Variants in NTPCR observed in about 807,000 individuals in gnomAD.
NTPCR encodes cancer-related nucleoside-triphosphatase.
NTPCR carries 15 observed loss-of-function variants against 19.5 expected under a neutral mutation model. The observed-to-expected ratio is 0.77, with a 90% CI of 0.51 to 1.18. The LOEUF is 1.18. Among genes scored for constraint, NTPCR ranks in the 50% most tolerant of loss-of-function variants. The pLI is 0.00. For synonymous variants in NTPCR, 90 were observed against 95.8 expected, an observed-to-expected ratio of 0.94 and a Z score of 0.36; for missense variants, 206 against 240.4, an observed-to-expected ratio of 0.86 and a Z score of 0.95.
chr1:232,968,375 A>G (rs1187283637), intron 3 of NTPCR: 7 of 152,270 alleles, frequency 4.6e-5, no homozygotes, highest in Non-Finnish European at 8.8e-5. Flanking sequence ...TAAAAGTCTG[A>G]AAAACACTGC....
In NTPCR at chr1:232,980,705, G is replaced by A. The variant is rs1248078227; in HGVS notation, c.*2474G>A. 2.0e-5 allele frequency: 3 copies of A among 152,194 alleles called. No individual in the cohort carries two copies. In the East Asian group the frequency reaches 5.8e-4, roughly 29 times the overall value. 9.4% of individuals were successfully genotyped at this position (152,194 alleles called of 1,614,324 possible). A position where few individuals can be genotyped will look rare whatever the true frequency, so the allele number is the denominator to read the frequency against. ...CAAACGCACACAGCCTGTAGCAACAGTGTCATGCTGAGATTTAAAGGAAGA... is the reference window on the plus strand; with the variant it reads ...CAAACGCACACAGCCTGTAGCAACAATGTCATGCTGAGATTTAAAGGAAGA... On this transcript the variant is annotated 3_prime_UTR_variant, in exon 5 of 5. Coordinates refer to ENST00000366628, the MANE Select transcript of NTPCR (RefSeq NM_032324.3).
intron 1 of NTPCR, 134 bp from the exon 2 acceptor site, chr1:232,955,423 A>G (rs887776859): frequency 1.5e-5 from 9 of 619,914 alleles, no homozygotes; most frequent in Non-Finnish European, 2.3e-5. Context: ...GTTCATATTC[A>G]TAAATCCATT....
In NTPCR at chr1:232,950,718, G is replaced by C. The variant is rs772640775; in HGVS notation, c.8G>C (p.Arg3Pro). Reference protein sequence around the residue: MARHVFLTGPPGV... With the variant: MAPHVFLTGPPGV... Reference sequence around the variant, plus strand: ...CTACCCCCGCCCACCAGTATGGCCCGGCACGTGTTCCTAACGGGGCCCCCA... The same window carrying C: ...CTACCCCCGCCCACCAGTATGGCCCCGCACGTGTTCCTAACGGGGCCCCCA... The change falls in exon 1 of 5, where the codon CGG (arginine) becomes CCG (proline). Residue 3 changes from arginine (R) to proline (P), a missense_variant. Physicochemically the swap from Arg to Pro is moderately radical, Grantham distance 103. Transcript: ENST00000366628. The C allele has an allele frequency of 1.3e-5, 21 of 1,604,432 alleles. No homozygotes were observed. In the Admixed American group the frequency reaches 3.1e-4, roughly 23 times the overall value.
intron 4 of NTPCR, chr1:232,976,689 G>A (rs748483367): frequency 9.5e-7 from 1 of 1,054,770 alleles, no homozygotes; most frequent in Non-Finnish European, 1.3e-6. Context: ...CAGTAGAAAT[G>A]GGATCACAGG....
At chr1:232,951,930 CTG>C (rs996674677) in intron 1 of NTPCR, among the ~76,000 whole-genome samples, 17 of 152,156 alleles carry the variant, frequency 1.1e-4, no homozygotes, top group Non-Finnish European at 2.2e-4. Context: ...CCCAAGACAA[CTG>C]TGTGTTTTAT....
At chr1:232,958,005 C>T (rs186637321) in intron 3 of NTPCR, among the ~76,000 whole-genome samples, 1 of 152,202 alleles carries the variant, frequency 6.6e-6, no homozygotes, top group Non-Finnish European at 1.5e-5. Flanking sequence ...GGAACAGATA[C>T]ATTCAGACCT....
chr1:232,976,488 T>C (rs1383127644), intron 4 of NTPCR: 2 of 1,544,972 alleles, frequency 1.3e-6, no homozygotes, highest in Non-Finnish European at 1.7e-6. Context: ...TGCCCACCTC[T>C]GTGTCGCCTC....
At position 232,970,003 on chromosome 1, in the gene NTPCR, G is replaced by A. The variant is rs148845457; in HGVS notation, c.389G>A (p.Arg130His). The A allele has an allele frequency of 3.3e-5, 53 of 1,614,148 alleles. No individual in the cohort carries two copies. The highest frequency in any genetic ancestry group is 1.6e-4 in the Middle Eastern group (1 of 6,062). The change falls in exon 4 of 5, where the codon CGT becomes CAT. Residue 130 changes from arginine (R) to histidine (H), a missense_variant. Physicochemically the swap from Arg to His is conservative, Grantham distance 29. Coordinates refer to ENST00000366628, the MANE Select transcript of NTPCR (RefSeq NM_032324.3). ...AGTCAGCTTTTCATTCAAGCTGTTCGTCAGACGCTGTCTACCCCAGGGACT... is the reference window on the plus strand; with the variant it reads ...AGTCAGCTTTTCATTCAAGCTGTTCATCAGACGCTGTCTACCCCAGGGACT... ...LFSQLFIQAV[R>H]QTLSTPGTII...
chr1:232,973,593 A>C (rs1669048351), intron 4 of NTPCR, among the ~76,000 whole-genome samples: 1 of 152,250 alleles, frequency 6.6e-6, no homozygotes. Context: ...CTCAACAGCA[A>C]GGTGACTCAG....
chr1:232,971,758 G>T (rs1035066332), intron 4 of NTPCR, among the ~76,000 whole-genome samples: 1 of 152,180 alleles, frequency 6.6e-6, no homozygotes, highest in African/African-American at 2.4e-5. Flanking sequence ...GTGGTAGTTG[G>T]GGGCAGGAGT....
intron 4 of NTPCR, among the ~76,000 whole-genome samples, chr1:232,972,786 C>T (rs1669019645): frequency 6.6e-6 from 1 of 152,200 alleles, no homozygotes; most frequent in African/African-American, 2.4e-5. Context: ...TTTTTGGGTT[C>T]TTTCCATTGC....
At chr1:232,974,159 C>A (rs529008097) in intron 4 of NTPCR, among the ~76,000 whole-genome samples, 2 of 152,296 alleles carry the variant, frequency 1.3e-5, no homozygotes, top group Admixed American at 6.5e-5. Context: ...GAAAGCAGCA[C>A]CTTACCTATA....
At chr1:232,967,292 A>G (rs1668847639) in intron 3 of NTPCR, 1 of 152,240 alleles carries the variant, frequency 6.6e-6, no homozygotes, top group Admixed American at 6.5e-5. Context: ...CTGAGTGTCT[A>G]CATGCTTCAG....
chr1:232,969,518 G>A (rs560322370), intron 3 of NTPCR: 125 of 204,334 alleles, frequency 6.1e-4, no homozygotes, highest in African/African-American at 2.1e-3. Flanking sequence ...GTCCATAAGC[G>A]TTGTTGGAAA....
At position 232,981,560 on chromosome 1, in the gene NTPCR, T is replaced by A. The variant is rs961251711; in HGVS notation, c.*3329T>A. On this transcript the variant is annotated 3_prime_UTR_variant, in exon 5 of 5. Coordinates refer to ENST00000366628, the MANE Select transcript of NTPCR (RefSeq NM_032324.3). ...TGGGCAAAGAAGTTGAAGCATCGCATGATTTTAACAAATTACTTGCCAGAT... is the reference window on the plus strand; with the variant it reads ...TGGGCAAAGAAGTTGAAGCATCGCAAGATTTTAACAAATTACTTGCCAGAT... 4 of 152,222 alleles carry A rather than the reference T, an allele frequency of 2.6e-5. No individual in the cohort carries two copies. The highest frequency in any genetic ancestry group is 5.9e-5 in the Non-Finnish European group (4 of 68,048). 9.4% of individuals were successfully genotyped at this position (152,222 alleles called of 1,614,324 possible). A position where few individuals can be genotyped will look rare whatever the true frequency, so the allele number is the denominator to read the frequency against.
Position 232,950,646 on chromosome 1 carries a change from G to T in NTPCR, c.-65G>T. ...TGAGTCGCGACCCTGGTCCGGACCT[G>T]ACCTGAATTGCGACCCCAACCTGGA... On this transcript the variant is annotated 5_prime_UTR_variant, in exon 1 of 5. Transcript: ENST00000366628. The T allele has an allele frequency of 7.4e-7, 1 of 1,354,564 alleles. No individual in the cohort carries two copies. Among genetic ancestry groups the T allele is most frequent in the Non-Finnish European group, 1.1e-6 (1 of 947,748 alleles). 83.9% of individuals were successfully genotyped at this position (1,354,564 alleles called of 1,614,324 possible).
At position 232,982,328 on chromosome 1, in the gene NTPCR, G is replaced by C. The variant is rs1377602801; in HGVS notation, c.*4097G>C. ...ACTCCAATACTGCCACCTTTTCTCT[G>C]TGGGTGCAGTTGCCTGCGGATGTGT... On this transcript the variant is annotated 3_prime_UTR_variant, in exon 5 of 5. Transcript: ENST00000366628. The C allele has an allele frequency of 1.3e-5, 2 of 152,214 alleles. No individual in the cohort carries two copies. 9.4% of individuals were successfully genotyped at this position (152,214 alleles called of 1,614,324 possible).
rs1434974170 is a variant in NTPCR at position 232,978,541 on chromosome 1, G to A, written c.*310G>A. ...AGAAATGGTTTTCAGAGTATTAGAT[G>A]GAATTCACCCCCGTTGAAGTTTATA... is the stretch of plus-strand genomic sequence containing the variant. On this transcript the variant is annotated 3_prime_UTR_variant, in exon 5 of 5. Transcript: ENST00000366628. 1.3e-5 allele frequency: 3 copies of A among 233,014 alleles called. No individual in the cohort carries two copies. Among genetic ancestry groups the A allele is most frequent in the Admixed American group, 5.4e-5 (1 of 18,480 alleles). The allele number at this position is 233,014 out of a possible 1,614,324, so 14.4% of individuals were successfully genotyped here.
Position 232,955,672 on chromosome 1 carries a change from C to T in NTPCR, c.150C>T (p.Phe50=), listed in dbSNP as rs943297865. 20 of 1,613,448 alleles carry T rather than the reference C, an allele frequency of 1.2e-5. No individual in the cohort carries two copies. Among genetic ancestry groups the T allele is most frequent in the Middle Eastern group, 1.7e-4 (1 of 6,016 alleles). ...GACAGGGAGGGAGAAGAATAGGATTCGATGTCGTCACGTTGTCCGGCACCC... is the reference window on the plus strand; with the variant it reads ...GACAGGGAGGGAGAAGAATAGGATTTGATGTCGTCACGTTGTCCGGCACCC... The part of the protein sequence containing the change: ...EVRQGGRRIG[F]DVVTLSGTRG... Residue 50 remains phenylalanine, a synonymous_variant, in exon 2 of 5, where the codon TTC becomes TTT. Coordinates refer to ENST00000366628, the MANE Select transcript of NTPCR (RefSeq NM_032324.3).
Sources: allele counts gnomAD v4.1 joint callset (sites outside exome capture counted in the v4.1 genomes callset), GRCh38; gene constraint gnomAD v4.1.1; transcripts MANE v1.5; gene names NCBI Gene and HGNC (gene_info 2026-07-23, HGNC 2026-07-21).